Variants in NEK10 observed in about 807,000 individuals in gnomAD.
NEK10 encodes NIMA related kinase 10.
NEK10 carries 122 observed loss-of-function variants against 159.8 expected under a neutral mutation model. The ratio of observed to expected loss-of-function variants is 0.76; its 90% CI spans 0.66 to 0.89. NEK10 has a LOEUF of 0.89. Ranked by LOEUF, NEK10 falls within the 40% of genes least tolerant of loss-of-function variation. The probability of loss-of-function intolerance (pLI) is 0.00; values close to 1 mark genes in which losing one functional copy is unlikely to be tolerated. For synonymous variants in NEK10, 466 were observed against 457.1 expected (o/e 1.02, Z -0.25); for missense variants, 1,342 against 1,323.1 (o/e 1.01, Z -0.22).
At chr3:27,126,555 T>A (rs1446412901) in intron 32 of NEK10, among the ~76,000 whole-genome samples, 2 of 152,112 alleles carry the variant, frequency 1.3e-5, no homozygotes, top group Non-Finnish European at 2.9e-5. Context: ...TCAAAGTGTG[T>A]CCCTGGATCA....
intron 23 of NEK10, among the ~76,000 whole-genome samples, chr3:27,231,143 G>C (rs958384659): frequency 2.0e-5 from 3 of 151,838 alleles, no homozygotes; most frequent in African/African-American, 7.2e-5. Context: ...ATTTAAGAAA[G>C]TCAAAATCAT....
chr3:27,176,874 C>T (rs1559556448), intron 26 of NEK10, among the ~76,000 whole-genome samples: 1 of 152,158 alleles, frequency 6.6e-6, no homozygotes, highest in Non-Finnish European at 1.5e-5. Context: ...TCTGTCGATG[C>T]AATTAAGATG....
rs1389176023 is a variant in NEK10 at position 27,111,291 on chromosome 3, T to C, written c.3329A>G (p.Asn1110Ser). 1 of 1,609,496 alleles carries C rather than the reference T, an allele frequency of 6.2e-7. No individual in the cohort carries two copies. Among genetic ancestry groups the C allele is most frequent in the Non-Finnish European group, 8.5e-7 (1 of 1,177,716 alleles). The change falls in exon 36 of 36, where the codon AAT becomes AGT. Residue 1110 changes from asparagine (N) to serine (S), a missense_variant. Asn to Ser is a conservative substitution (Grantham distance 46). Transcript: ENST00000691995. ...GCATTTTCATCTTTTGGTTGGGTGATTCTTGGTCCCCCATGGATAGGAATG... is the reference window on the plus strand; with the variant it reads ...GCATTTTCATCTTTTGGTTGGGTGACTCTTGGTCCCCCATGGATAGGAATG... ...RYHSYPWGTK[N>S]HPTKR is the part of the protein sequence containing the mutation.
At chr3:27,195,370 A>C (rs2148999042) in intron 25 of NEK10, among the ~76,000 whole-genome samples, 1 of 152,334 alleles carries the variant, frequency 6.6e-6, no homozygotes, top group East Asian at 1.9e-4. Flanking sequence ...TCAATTTTTT[A>C]ATACTGAAAA....
At chr3:27,362,829 C>T (rs1331653974) in intron 1 of NEK10, among the ~76,000 whole-genome samples, 3 of 152,012 alleles carry the variant, frequency 2.0e-5, no homozygotes, top group Non-Finnish European at 4.4e-5. Context: ...CTAGTCCAAA[C>T]TTACATCAGT....
At chr3:27,293,162 C>CA (rs990470547) in intron 16 of NEK10, among the ~76,000 whole-genome samples, 4 of 151,888 alleles carry the variant, frequency 2.6e-5, no homozygotes, top group Non-Finnish European at 4.4e-5. Context: ...CAAAGACACA[C>CA]AAAAAAACAG....
intron 32 of NEK10, among the ~76,000 whole-genome samples, chr3:27,131,175 T>C (rs1021345096): frequency 6.6e-6 from 1 of 152,170 alleles, no homozygotes; most frequent in Non-Finnish European, 1.5e-5. Flanking sequence ...TTAAAAAATA[T>C]GAAATTGGAG....
At chr3:27,360,255 C>T (rs762566653) in intron 1 of NEK10, among the ~76,000 whole-genome samples, 1 of 152,194 alleles carries the variant, frequency 6.6e-6, no homozygotes, top group African/African-American at 2.4e-5. Flanking sequence ...GGACGTCTAA[C>T]ACCCTCCAGG....
chr3:27,119,660 T>C, intron 33 of NEK10, 100 bp downstream of exon 33: 1 of 895,554 alleles, frequency 1.1e-6, no homozygotes, highest in Non-Finnish European at 1.8e-6. Flanking sequence ...AAACAAGCTC[T>C]ATTTAAAAAA....
At chr3:27,116,018 A>G (rs1025576351) in intron 34 of NEK10, 23 bp from the exon 35 acceptor site, 1 of 1,612,376 alleles carries the variant, frequency 6.2e-7, no homozygotes, top group Non-Finnish European at 8.5e-7. Flanking sequence ...AAATCAGGTT[A>G]GTATTGAATT....
intron 3 of NEK10, among the ~76,000 whole-genome samples, chr3:27,346,518 C>T (rs2047564952): frequency 6.6e-6 from 1 of 152,120 alleles, no homozygotes; most frequent in Non-Finnish European, 1.5e-5. Context: ...AGGAACTTGC[C>T]TGTTTTTGTT....
chr3:27,160,095 C>T (rs1414708343), intron 30 of NEK10, among the ~76,000 whole-genome samples: 1 of 151,934 alleles, frequency 6.6e-6, no homozygotes, highest in Non-Finnish European at 1.5e-5. Flanking sequence ...TGAAAATACA[C>T]TAATATAATC....
intron 6 of NEK10, among the ~76,000 whole-genome samples, chr3:27,321,624 G>A (rs1449297144): frequency 6.6e-6 from 1 of 152,194 alleles, no homozygotes; most frequent in Non-Finnish European, 1.5e-5. Flanking sequence ...TAGGATTATA[G>A]GCGTGAGCCA....
At chr3:27,262,179 T>C (rs1246816764) in intron 22 of NEK10, among the ~76,000 whole-genome samples, 1 of 152,212 alleles carries the variant, frequency 6.6e-6, no homozygotes, top group Non-Finnish European at 1.5e-5. Context: ...TTCTGGCTTG[T>C]AGAGTTTCTG....
intron 31 of NEK10, among the ~76,000 whole-genome samples, chr3:27,132,397 T>C (rs929734629): frequency 5.3e-5 from 8 of 152,230 alleles, no homozygotes; most frequent in Non-Finnish European, 7.3e-5. Flanking sequence ...CTATAGGATC[T>C]GACACTTTGG....
At chr3:27,136,333 C>T (rs6771505) in intron 31 of NEK10, among the ~76,000 whole-genome samples, 36,527 of 151,618 alleles carry the variant, frequency 0.24, 4,740 homozygotes, top group Middle Eastern at 0.4. Context: ...AGGATGGTCT[C>T]GATCTCCTGA....
At chr3:27,184,760 A>G (rs1948458009) in intron 26 of NEK10, among the ~76,000 whole-genome samples, 1 of 152,206 alleles carries the variant, frequency 6.6e-6, no homozygotes, top group Admixed American at 6.5e-5. Context: ...TCAGTCAACA[A>G]TTAACCAGAC....
intron 35 of NEK10, among the ~76,000 whole-genome samples, chr3:27,112,428 A>T (rs1404443958): frequency 1.3e-5 from 2 of 152,366 alleles, no homozygotes; most frequent in East Asian, 3.9e-4. Context: ...TTATATATGT[A>T]ACTTTCTCAG....
Position 27,312,147 on chromosome 3 carries a change from C to A in NEK10, c.520G>T (p.Gly174Cys). The change falls in exon 8 of 36, where the codon GGC (glycine) becomes TGC (cysteine). Residue 174 changes from glycine (G) to cysteine (C), a missense_variant. Transcript: ENST00000691995. The part of the protein sequence containing the change: ...YMEIVANEYL[G>C]YGEEQHTVDK... ...ACAGTGTGCTGCTCTTCTCCATAGC[C>A]GAGGTACTCATTGGCTACAATCTCC... 3.7e-6 allele frequency: 6 copies of A among 1,612,056 alleles called. No homozygotes were observed. The highest frequency in any genetic ancestry group is 5.1e-6 in the Non-Finnish European group (6 of 1,179,008).
Sources: allele counts gnomAD v4.1 joint callset (sites outside exome capture counted in the v4.1 genomes callset), GRCh38; gene constraint gnomAD v4.1.1; transcripts MANE v1.5; gene names NCBI Gene and HGNC (gene_info 2026-07-23, HGNC 2026-07-21).